RAI1: variants seen among roughly 807,000 people sequenced by gnomAD.
The protein encoded by RAI1 is retinoic acid-induced protein 1.
Under a neutral mutation model 123.8 loss-of-function variants are expected in RAI1, and 9 were observed. That is an observed-to-expected ratio of 0.07 (90% confidence interval 0.04 to 0.13). The LOEUF (loss-of-function observed/expected upper bound fraction) is 0.13, where lower values mean the gene tolerates loss of function less well. RAI1 is among the 10% of genes least tolerant of loss of function. The probability of loss-of-function intolerance (pLI) is 1.00; values close to 1 mark genes in which losing one functional copy is unlikely to be tolerated. For missense variants in RAI1, 2,256 were observed against 2,545.8 expected (o/e 0.89, Z 2.45); for synonymous variants, 1,231 against 1,127.3 (o/e 1.09, Z -1.84).
rs1160466733 is a variant in RAI1 at position 17,796,121 on chromosome 17, G to A, written c.3173G>A (p.Arg1058His). Residue 1058 changes from arginine (R) to histidine (H), a missense_variant, in exon 3 of 6, where the codon CGT becomes CAT. Physicochemically the swap from Arg to His is conservative, Grantham distance 29. This residue lies in a region of RAI1 where 566 missense variants were observed against 616.0 expected (regional missense o/e 0.92). Coordinates refer to ENST00000353383, the MANE Select transcript of RAI1 (RefSeq NM_030665.4). This position sits in a 1 kb window ranked among gnomAD's most constrained non-coding sequence, Gnocchi z 5.8. The part of the protein sequence containing the change: ...ASEGLPRMCT[R>H]SLTALSEPRT... ...GAAGGGCTCCCCAGGATGTGTACTC[G>A]TTCTCTCACGGCCCTGAGTGAGCCC... The A allele has an allele frequency of 3.2e-6, 5 of 1,584,026 alleles. No homozygotes were observed. The South Asian group carries it at 3.4e-5, about 11-fold the overall frequency.
chr17:17,686,218 T>C (rs1914627113), intron 1 of RAI1, among the ~76,000 whole-genome samples: 1 of 151,976 alleles, frequency 6.6e-6, no homozygotes, highest in African/African-American at 2.4e-5. Context: ...AGCCCCAACA[T>C]TGTCTCCCGT....
intron 2 of RAI1, among the ~76,000 whole-genome samples, chr17:17,773,024 T>A (rs1386379475): frequency 4.2e-5 from 5 of 120,406 alleles, no homozygotes; most frequent in African/African-American, 1.6e-4. Flanking sequence ...GATGGATAGA[T>A]GGGTGTGTGT....
In RAI1 at chr17:17,795,919, C is replaced by T; in HGVS notation, c.2971C>T (p.Pro991Ser). The T allele has an allele frequency of 6.2e-7, 1 of 1,610,230 alleles. No homozygotes were observed. ...VPEAPIAKKE[P>S]VPRGKSLRSR... Reference sequence around the variant, plus strand: ...CGAGGCGCCCATCGCAAAGAAAGAGCCTGTGCCACGGGGCAAAAGCTTACG... The same window carrying T: ...CGAGGCGCCCATCGCAAAGAAAGAGTCTGTGCCACGGGGCAAAAGCTTACG... The change falls in exon 3 of 6, where the codon CCT becomes TCT. Residue 991 changes from proline (P) to serine (S), a missense_variant. This residue lies in a region of RAI1 where 566 missense variants were observed against 616.0 expected (regional missense o/e 0.92). Transcript: ENST00000353383. The surrounding 1 kb of genome is among the most constrained non-coding windows in gnomAD (Gnocchi z 5.9).
chr17:17,759,942 T>C (rs1041948827), intron 2 of RAI1, among the ~76,000 whole-genome samples: 2 of 152,196 alleles, frequency 1.3e-5, no homozygotes, highest in African/African-American at 2.4e-5. Context: ...CTCTGGATGC[T>C]TGGGGTAATA....
intron 2 of RAI1, among the ~76,000 whole-genome samples, chr17:17,775,742 T>C (rs973679260): frequency 6.6e-6 from 1 of 152,118 alleles, no homozygotes; most frequent in Non-Finnish European, 1.5e-5. Flanking sequence ...AGGGTCTTGC[T>C]GTCTCGGGTG....
chr17:17,738,893 A>G (rs1360804494), intron 2 of RAI1, among the ~76,000 whole-genome samples: 3 of 152,066 alleles, frequency 2.0e-5, no homozygotes, highest in Non-Finnish European at 4.4e-5. Context: ...CCCTGTTTTT[A>G]TAAGTACACG....
intron 1 of RAI1, among the ~76,000 whole-genome samples, chr17:17,711,542 G>A (rs1305042953): frequency 6.6e-6 from 1 of 152,222 alleles, no homozygotes. Flanking sequence ...AGGGAAGTGG[G>A]AGGTGTACAC....
At chr17:17,755,550 G>T (rs561177975) in intron 2 of RAI1, among the ~76,000 whole-genome samples, 2 of 152,274 alleles carry the variant, frequency 1.3e-5, no homozygotes, top group African/African-American at 4.8e-5. Flanking sequence ...TCAGGAGAGA[G>T]CTCTTTGTTT....
intron 2 of RAI1, among the ~76,000 whole-genome samples, chr17:17,780,726 C>T (rs969363217): frequency 7.4e-5 from 11 of 148,370 alleles, no homozygotes; most frequent in Admixed American, 4.0e-4. Flanking sequence ...GCTGCAGTTA[C>T]ACGGCTCCAG....
chr17:17,726,335 G>A lies in RAI1; in HGVS notation c.-17+2176G>A, dbSNP rs554179196. On this transcript the variant is annotated intron_variant, in intron 2 of 5. Coordinates refer to ENST00000353383, the MANE Select transcript of RAI1 (RefSeq NM_030665.4). The stretch of plus-strand genomic sequence containing the variant: ...TCAGCTGCAGGCCTGGCCATTAAAT[G>A]TGGGTGTCTGACCCATAGGTTGGAC... Among the ~76,000 whole-genome samples, 4 of 152,354 alleles carry A rather than the reference G, an allele frequency of 2.6e-5. No homozygotes were observed. The East Asian group carries it at 7.7e-4, about 29-fold the overall frequency.
At chr17:17,688,458 C>G (rs1914719193) in intron 1 of RAI1, among the ~76,000 whole-genome samples, 1 of 150,858 alleles carries the variant, frequency 6.6e-6, no homozygotes, top group Non-Finnish European at 1.5e-5. Flanking sequence ...GCACTCCAGC[C>G]TGGGTGACAG....
chr17:17,781,102 T>C (rs571121773), intron 2 of RAI1, among the ~76,000 whole-genome samples: 2 of 152,102 alleles, frequency 1.3e-5, no homozygotes, highest in Non-Finnish European at 2.9e-5. Flanking sequence ...GCCTGTCTCC[T>C]CCAGACTAGC....
intron 2 of RAI1, among the ~76,000 whole-genome samples, chr17:17,740,952 G>A (rs1368554504): frequency 1.3e-4 from 20 of 148,964 alleles, no homozygotes; most frequent in Admixed American, 1.3e-3. Flanking sequence ...CAGGGAGGCC[G>A]TGGGCGGGTG....
intron 2 of RAI1, among the ~76,000 whole-genome samples, chr17:17,726,042 TC>T (rs1013401707): frequency 6.6e-6 from 1 of 152,030 alleles, no homozygotes; most frequent in Non-Finnish European, 1.5e-5. Flanking sequence ...GACCCTGGAC[TC>T]CCCCTTCAAA....
At chr17:17,807,214 G>A (rs992635070) in intron 4 of RAI1, among the ~76,000 whole-genome samples, 1 of 147,638 alleles carries the variant, frequency 6.8e-6, no homozygotes, top group Non-Finnish European at 1.5e-5. Flanking sequence ...TGGGGTGCAG[G>A]GAGGGCCCCC....
intron 2 of RAI1, among the ~76,000 whole-genome samples, chr17:17,761,906 CAG>C (rs1346518152): frequency 2.6e-5 from 4 of 152,028 alleles, no homozygotes; most frequent in African/African-American, 9.7e-5. Context: ...GGTCTCAGGA[CAG>C]GGGGCCCAGC....
At chr17:17,787,927 G>A (rs2031882290) in intron 2 of RAI1, among the ~76,000 whole-genome samples, 1 of 152,154 alleles carries the variant, frequency 6.6e-6, no homozygotes, top group South Asian at 2.1e-4. Context: ...GTGAGGGGAG[G>A]CTCCTCAAAC....
At chr17:17,728,054 T>C (rs1916150955) in intron 2 of RAI1, among the ~76,000 whole-genome samples, 1 of 151,042 alleles carries the variant, frequency 6.6e-6, no homozygotes, top group Non-Finnish European at 1.5e-5. Flanking sequence ...TCTGTGTGTG[T>C]GTGTGTCCGT....
intron 3 of RAI1, chr17:17,802,205 TTTTGAGAC>T (rs1466393280): frequency 8.5e-6 from 4 of 469,578 alleles, no homozygotes; most frequent in South Asian, 1.6e-5. Context: ...CAGAGGACAG[TTTTGAGAC>T]TTAGAGGAGG....
Sources: gnomAD v4.1 joint callset for allele counts (sites outside exome capture counted in the v4.1 genomes callset) on GRCh38, gnomAD v4.1.1 for gene constraint, gnomAD v4.1.1 regional missense constraint, Gnocchi (gnomAD v3.1) non-coding constraint, MANE v1.5 for transcripts, NCBI Gene and HGNC (gene_info 2026-07-23, HGNC 2026-07-21) for gene names.